DYNC1I1: variants seen among roughly 807,000 people sequenced by gnomAD.
DYNC1I1 encodes cytoplasmic dynein 1 intermediate chain 1.
In DYNC1I1, 43 loss-of-function variants were observed where a neutral mutation model predicts 86.6. That is an observed-to-expected ratio of 0.50 (90% CI 0.39 to 0.64). DYNC1I1 has a LOEUF of 0.64. Among genes scored for constraint, DYNC1I1 ranks in the 30% least tolerant of loss-of-function variants. The pLI is 0.00. For synonymous variants in DYNC1I1, 262 were observed against 283.7 expected (o/e 0.92, Z 0.77); for missense variants, 604 against 788.8 (o/e 0.77, Z 2.81).
At chr7:96,077,964 A>T (rs1790393557) in intron 15 of DYNC1I1, among the ~76,000 whole-genome samples, 1 of 152,228 alleles carries the variant, frequency 6.6e-6, no homozygotes. Context: ...GTTTTGTGGT[A>T]AACATAATTC....
At chr7:95,941,249 G>T (rs992815248) in intron 6 of DYNC1I1, among the ~76,000 whole-genome samples, 2 of 151,948 alleles carry the variant, frequency 1.3e-5, no homozygotes, top group Admixed American at 1.3e-4. Context: ...GGGGTCAGGG[G>T]TCAGGGACCC....
chr7:95,823,953 T>TATATATATATATATATATATATAC (rs1795140251), intron 4 of DYNC1I1, among the ~76,000 whole-genome samples: 4 of 14,250 alleles, frequency 2.8e-4, no homozygotes, highest in Non-Finnish European at 4.3e-4. Flanking sequence ...TCTACTAAAC[T>TATATATATATATATATATATATAC]ATATATATAT....
intron 14 of DYNC1I1, among the ~76,000 whole-genome samples, chr7:96,048,480 G>C (rs79789389): frequency 0.011 from 1,609 of 152,248 alleles, 31 homozygotes; most frequent in African/African-American, 0.036. Context: ...GATGCAAACC[G>C]TCTGGGCCCC....
intron 14 of DYNC1I1, among the ~76,000 whole-genome samples, chr7:96,064,166 C>T (rs543465448): frequency 2.0e-5 from 3 of 151,488 alleles, no homozygotes; most frequent in Admixed American, 1.3e-4. Flanking sequence ...TTGTTCTTCT[C>T]CAGACCAAAC....
chr7:95,993,108 G>A (rs931570978), intron 9 of DYNC1I1, among the ~76,000 whole-genome samples: 16 of 151,896 alleles, frequency 1.1e-4, no homozygotes, highest in Non-Finnish European at 2.4e-4. Flanking sequence ...TTAAATAATT[G>A]TTTAGAGATT....
intron 7 of DYNC1I1, among the ~76,000 whole-genome samples, chr7:95,980,537 T>C (rs1388199159): frequency 1.2e-5 from 1 of 80,720 alleles, no homozygotes; most frequent in East Asian, 1.1e-3. Context: ...GAAATCTGGC[T>C]TTTTTTTTTT....
At chr7:95,949,359 C>T (rs1244384735) in intron 6 of DYNC1I1, among the ~76,000 whole-genome samples, 3 of 152,166 alleles carry the variant, frequency 2.0e-5, no homozygotes, top group Non-Finnish European at 2.9e-5. Flanking sequence ...ACTAAGCGAC[C>T]CATTACTGCC....
intron 6 of DYNC1I1, among the ~76,000 whole-genome samples, chr7:95,969,612 A>G (rs1194809711): frequency 6.6e-6 from 1 of 152,086 alleles, no homozygotes; most frequent in Non-Finnish European, 1.5e-5. Flanking sequence ...TTCAATACAT[A>G]TTTACTATGC....
At chr7:95,986,819 C>A (rs556192116) in intron 8 of DYNC1I1, among the ~76,000 whole-genome samples, 2 of 152,040 alleles carry the variant, frequency 1.3e-5, no homozygotes, top group Admixed American at 6.5e-5. Flanking sequence ...TGAAACAAAT[C>A]TGACATTTCA....
At chr7:95,829,810 T>G (rs1795282439) in intron 5 of DYNC1I1, among the ~76,000 whole-genome samples, 1 of 152,126 alleles carries the variant, frequency 6.6e-6, no homozygotes, top group Non-Finnish European at 1.5e-5. Flanking sequence ...GATGGAGACT[T>G]TCTGTTCACT....
At chr7:95,998,782 A>G (rs889019582) in intron 10 of DYNC1I1, among the ~76,000 whole-genome samples, 1 of 152,208 alleles carries the variant, frequency 6.6e-6, no homozygotes, top group Admixed American at 6.5e-5. Flanking sequence ...TTAAAAGTGT[A>G]TAATTGTAAA....
intron 4 of DYNC1I1, among the ~76,000 whole-genome samples, chr7:95,826,657 G>A (rs539168095): frequency 6.6e-6 from 1 of 152,208 alleles, no homozygotes; most frequent in East Asian, 1.9e-4. Flanking sequence ...AAAATCATAG[G>A]TAAAGATGAG....
At chr7:96,008,878 T>C (rs1281824135) in intron 10 of DYNC1I1, among the ~76,000 whole-genome samples, 1 of 152,204 alleles carries the variant, frequency 6.6e-6, no homozygotes, top group Non-Finnish European at 1.5e-5. Flanking sequence ...TTCTGCATTT[T>C]TCTTAGGTGT....
rs926858217 is a variant in DYNC1I1 at position 95,860,968 on chromosome 7, G to A, written c.375-8915G>A. 3.3e-5 allele frequency among the ~76,000 whole-genome samples: 5 copies of A among 152,108 alleles called. No homozygotes were observed. In the South Asian group the frequency reaches 1.0e-3, roughly 32 times the overall value. On this transcript the variant is annotated intron_variant, in intron 5 of 16. Coordinates refer to ENST00000447467, the MANE Select transcript of DYNC1I1 (RefSeq NM_001135556.2). ...TTCAATATAAATTTGAAACTATGGG[G>A]TTTTCAATATAAATTTTGGAGGAGA...
chr7:95,852,426 A>G (rs762288058), intron 5 of DYNC1I1, among the ~76,000 whole-genome samples: 32 of 151,310 alleles, frequency 2.1e-4, no homozygotes, highest in Non-Finnish European at 2.8e-4. Flanking sequence ...AAGTTTGTCA[A>G]TTTTATCTTT....
At chr7:95,888,572 T>C (rs1790656758) in intron 6 of DYNC1I1, among the ~76,000 whole-genome samples, 1 of 152,216 alleles carries the variant, frequency 6.6e-6, no homozygotes, top group Non-Finnish European at 1.5e-5. Context: ...AAAGTGCTCA[T>C]ATGCATGTGT....
At position 95,984,894 on chromosome 7, in the gene DYNC1I1, A is replaced by G. The variant is rs766877210; in HGVS notation, c.660A>G (p.Thr220=). ...AATTTCTCATCTTTTTTGACCGGAC[A>G]ATACGGGTAATTGAAAGAGCCCTGG... ...SEEFLIFFDR[T]IRVIERALAE... is the part of the protein sequence containing the mutation. The change falls in exon 8 of 17, where the codon ACA becomes ACG. Residue 220 remains threonine (T), a synonymous_variant. Transcript: ENST00000447467. 1.2e-6 allele frequency: 2 copies of G among 1,613,704 alleles called. No individual in the cohort carries two copies. The highest frequency in any genetic ancestry group is 1.7e-6 in the Non-Finnish European group (2 of 1,179,734).
intron 5 of DYNC1I1, among the ~76,000 whole-genome samples, chr7:95,863,941 C>T (rs911922867): frequency 5.9e-5 from 9 of 152,166 alleles, no homozygotes; most frequent in African/African-American, 1.7e-4. Context: ...ATATCATTCA[C>T]GTTTTTCTCA....
chr7:95,882,098 C>A (rs1790469241), intron 6 of DYNC1I1, among the ~76,000 whole-genome samples: 1 of 152,100 alleles, frequency 6.6e-6, no homozygotes, highest in South Asian at 2.1e-4. Context: ...ATTTCCAAAA[C>A]CATCTTCTTT....
Sources: allele counts gnomAD v4.1 joint callset (sites outside exome capture counted in the v4.1 genomes callset), GRCh38; gene constraint gnomAD v4.1.1; transcripts MANE v1.5; gene names NCBI Gene and HGNC (gene_info 2026-07-23, HGNC 2026-07-21).